Variants in KCNQ5 observed in about 807,000 individuals in gnomAD.
KCNQ5 encodes the protein potassium voltage-gated channel subfamily Q member 5.
In KCNQ5, 30 loss-of-function variants were observed where a neutral mutation model predicts 98.2. The ratio of observed to expected loss-of-function variants is 0.31; its 90% CI spans 0.23 to 0.41. The LOEUF (loss-of-function observed/expected upper bound fraction) is 0.41, where lower values mean the gene tolerates loss of function less well. Ranked by LOEUF, KCNQ5 falls within the 10% of genes least tolerant of loss-of-function variation. The pLI, the probability that KCNQ5 is intolerant of heterozygous loss-of-function variation, is 1.00. For missense variants in KCNQ5, 835 were observed against 1,182.5 expected, an observed-to-expected ratio of 0.71 and a Z score of 4.31; for synonymous variants, 458 against 449.4, an observed-to-expected ratio of 1.02 and a Z score of -0.24.
chr6:73,111,262 C>A, intron 6 of KCNQ5, 46 bp from the exon 7 acceptor site: 4 of 1,288,746 alleles, frequency 3.1e-6, no homozygotes, highest in Non-Finnish European at 4.5e-6. Context: ...TATTATTTAA[C>A]AGTGCTTTTG....
intron 1 of KCNQ5, among the ~76,000 whole-genome samples, chr6:72,981,126 T>G (rs989715844): frequency 2.6e-5 from 4 of 152,216 alleles, no homozygotes; most frequent in African/African-American, 4.8e-5. Flanking sequence ...TCTCTTTTTT[T>G]GTTGTGTCTC....
At position 72,852,640 on chromosome 6, in the gene KCNQ5, A is replaced by AATAAATAAATATATATATAT. The variant is rs1026407821; in HGVS notation, c.399-151265_399-151264insAATAAATATATATATATATA. ...AGTGGAGAGAAGGAGATGAAGGGGAAATATATATATATATATATATAAATG... is the reference window on the plus strand; with the variant it reads ...AGTGGAGAGAAGGAGATGAAGGGGAAATAAATAAATATATATATATATATATATATATATATATATAAATG... On this transcript the variant is annotated intron_variant, in intron 1 of 13. Transcript: ENST00000370398. Among the ~76,000 whole-genome samples, 40 of 56,794 alleles carry AATAAATAAATATATATATAT rather than the reference A, an allele frequency of 7.0e-4. 2 individuals carry two copies. Among genetic ancestry groups the AATAAATAAATATATATATAT allele is most frequent in the South Asian group, 2.1e-3 (3 of 1,442 alleles). The allele number at this position is 56,794 out of a possible 152,430, so 37.3% of individuals were successfully genotyped here.
intron 1 of KCNQ5, among the ~76,000 whole-genome samples, chr6:72,932,909 G>C (rs76881995): frequency 6.6e-6 from 1 of 152,080 alleles, no homozygotes; most frequent in Non-Finnish European, 1.5e-5. Flanking sequence ...TACTAAAACT[G>C]TTTCTGAAAA....
intron 1 of KCNQ5, among the ~76,000 whole-genome samples, chr6:72,877,987 T>C (rs1224607923): frequency 2.0e-5 from 3 of 152,184 alleles, no homozygotes; most frequent in Admixed American, 6.5e-5. Context: ...TAAAAATCCA[T>C]AGGCCGGGTA....
chr6:72,863,840 T>C (rs556805956), intron 1 of KCNQ5, among the ~76,000 whole-genome samples: 1 of 152,320 alleles, frequency 6.6e-6, no homozygotes, highest in Admixed American at 6.5e-5. Flanking sequence ...AAAACATCAA[T>C]TATTTAAATT....
chr6:72,918,363 T>C (rs1780255397), intron 1 of KCNQ5, among the ~76,000 whole-genome samples: 1 of 152,092 alleles, frequency 6.6e-6, no homozygotes, highest in African/African-American at 2.4e-5. Flanking sequence ...ACACTCTGGA[T>C]TGCCTTGGAC....
At chr6:72,674,022 T>C (rs1767274841) in intron 1 of KCNQ5, among the ~76,000 whole-genome samples, 1 of 152,154 alleles carries the variant, frequency 6.6e-6, no homozygotes, top group Admixed American at 6.5e-5. Flanking sequence ...TCTAAAAGCA[T>C]TGCTTCATTA....
At chr6:72,844,804 A>G (rs13191699) in intron 1 of KCNQ5, among the ~76,000 whole-genome samples, 2,264 of 152,338 alleles carry the variant, frequency 0.015, 34 homozygotes, top group Non-Finnish European at 0.022. Flanking sequence ...GGCCACTGGT[A>G]CAGCTAAATA....
intron 1 of KCNQ5, among the ~76,000 whole-genome samples, chr6:72,955,562 C>G (rs1767000894): frequency 6.6e-6 from 1 of 152,062 alleles, no homozygotes; most frequent in South Asian, 2.1e-4. Context: ...GATGTATATT[C>G]TAGGTGATTT....
Position 72,801,143 on chromosome 6 carries a change from C to T in KCNQ5, c.398+178556C>T, listed in dbSNP as rs1362547853. 2.3e-3 allele frequency among the ~76,000 whole-genome samples: 346 copies of T among 151,682 alleles called. 1 individual carries two copies. The highest frequency in any genetic ancestry group is 7.2e-3 in the African/African-American group (299 of 41,292). ...GAGTTCTGGAGATGTCTATTAGGTC[C>T]GCTTGGTGCAGAGCTGAGTTCAATT... On this transcript the variant is annotated intron_variant, in intron 1 of 13. Transcript: ENST00000370398.
chr6:72,738,160 A>C (rs1185549285), intron 1 of KCNQ5, among the ~76,000 whole-genome samples: 1 of 152,180 alleles, frequency 6.6e-6, no homozygotes, highest in Non-Finnish European at 1.5e-5. Flanking sequence ...ATTTCAAAAA[A>C]AAAAATTTGT....
chr6:72,891,964 T>C (rs1193708705), intron 1 of KCNQ5, among the ~76,000 whole-genome samples: 2 of 152,158 alleles, frequency 1.3e-5, no homozygotes, highest in South Asian at 2.1e-4. Flanking sequence ...TACTACACTT[T>C]ATGGTCAATT....
At chr6:72,979,240 T>A (rs1562106856) in intron 1 of KCNQ5, among the ~76,000 whole-genome samples, 1 of 152,192 alleles carries the variant, frequency 6.6e-6, no homozygotes, top group Non-Finnish European at 1.5e-5. Context: ...TAGATCCTTG[T>A]GGAATCGCCA....
chr6:72,986,975 T>A, intron 1 of KCNQ5: 1 of 801,058 alleles, frequency 1.2e-6, no homozygotes, highest in South Asian at 1.6e-5. Flanking sequence ...GGGAGCACAG[T>A]GGGAAGGTGA....
rs1010721934 is a variant in KCNQ5 at position 72,622,669 on chromosome 6, C to A, written c.398+82C>A. 1.7e-5 allele frequency: 26 copies of A among 1,503,372 alleles called. No individual in the cohort carries two copies. The highest frequency in any genetic ancestry group is 1.4e-4 in the Admixed American group (7 of 49,164). The allele number at this position is 1,503,372 out of a possible 1,614,324, so 93.1% of individuals were successfully genotyped here. The stretch of plus-strand genomic sequence containing the variant: ...CTGGGGCGTGCTCCGCGCTCGCGCC[C>A]TTGGGCCCCCGCGCGCGTGCACACG... On this transcript the variant is annotated intron_variant, in intron 1 of 13. Coordinates refer to ENST00000370398, the MANE Select transcript of KCNQ5 (RefSeq NM_019842.4). This position sits in a 1 kb window ranked among gnomAD's most constrained non-coding sequence, Gnocchi z 6.0.
At chr6:72,959,825 C>T (rs1212402631) in intron 1 of KCNQ5, among the ~76,000 whole-genome samples, 1 of 152,180 alleles carries the variant, frequency 6.6e-6, no homozygotes, top group African/African-American at 2.4e-5. Context: ...CAATTCAAAC[C>T]TACTTACAGG....
At chr6:72,907,363 A>G (rs9360617) in intron 1 of KCNQ5, among the ~76,000 whole-genome samples, 44,113 of 152,046 alleles carry the variant, frequency 0.29, 6,619 homozygotes, top group Non-Finnish European at 0.32. Context: ...TTGATTTTCT[A>G]TAACTAATCA....
At chr6:72,768,927 A>G (rs899356978) in intron 1 of KCNQ5, among the ~76,000 whole-genome samples, 3 of 152,104 alleles carry the variant, frequency 2.0e-5, no homozygotes, top group African/African-American at 4.8e-5. Context: ...AATTGGAGCT[A>G]TCTGTAAGGC....
intron 2 of KCNQ5, among the ~76,000 whole-genome samples, chr6:73,028,261 G>A (rs763160465): frequency 1.3e-5 from 2 of 152,206 alleles, no homozygotes; most frequent in Non-Finnish European, 2.9e-5. Flanking sequence ...GAACAACACA[G>A]CTGCATAGTC....
Sources: allele counts gnomAD v4.1 joint callset (sites outside exome capture counted in the v4.1 genomes callset), GRCh38; gene constraint gnomAD v4.1.1; non-coding constraint Gnocchi (gnomAD v3.1); transcripts MANE v1.5; gene names NCBI Gene and HGNC (gene_info 2026-07-23, HGNC 2026-07-21).